The following SEC14L5 variants were observed in gnomAD, a reference collection of about 807,000 sequenced individuals.
The protein encoded by SEC14L5 is SEC14 like lipid binding 5, also known as SEC14-like protein 5.
Under a neutral mutation model 84.6 loss-of-function variants are expected in SEC14L5, and 96 were observed. The observed-to-expected ratio is 1.13, with a 90% CI of 0.96 to 1.34. The LOEUF (loss-of-function observed/expected upper bound fraction) is 1.34, where lower values mean the gene tolerates loss of function less well. Among genes scored for constraint, SEC14L5 ranks in the 40% most tolerant of loss-of-function variants. The pLI, the probability that SEC14L5 is intolerant of heterozygous loss-of-function variation, is 0.00. For synonymous variants in SEC14L5, 546 were observed against 383.4 expected, an observed-to-expected ratio of 1.42 and a Z score of -4.95; for missense variants, 1,224 against 942.5, an observed-to-expected ratio of 1.30 and a Z score of -3.91.
intron 15 of SEC14L5, among the ~76,000 whole-genome samples, chr16:5,012,945 GAAA>G (rs1437203189): frequency 7.2e-6 from 1 of 139,700 alleles, no homozygotes; most frequent in African/African-American, 2.6e-5. Context: ...AATTTATAAA[GAAA>G]GGAGGTTTAA....
At chr16:4,993,134 CT>C (rs1197966481) in intron 6 of SEC14L5, among the ~76,000 whole-genome samples, 1 of 152,070 alleles carries the variant, frequency 6.6e-6, no homozygotes, top group Non-Finnish European at 1.5e-5. Flanking sequence ...CCTTGAAATC[CT>C]GGGCTCAAAC....
chr16:4,974,624 A>G (rs1161724558), intron 2 of SEC14L5, among the ~76,000 whole-genome samples: 1 of 151,848 alleles, frequency 6.6e-6, no homozygotes, highest in African/African-American at 2.4e-5. Flanking sequence ...TAACATGGAT[A>G]AGGTCTTTAG....
In SEC14L5 at chr16:5,015,011, T is replaced by A. The variant is rs1318749330; in HGVS notation, c.*41T>A. ...CAGGGCCGCCCGCTCGCCTCCAGTG[T>A]CCAGAAATGTCCAGAATGAGAAGCC... is the stretch of plus-strand genomic sequence containing the variant. On this transcript the variant is annotated 3_prime_UTR_variant, in exon 16 of 16. Coordinates refer to ENST00000251170, the MANE Select transcript of SEC14L5 (RefSeq NM_014692.2). 1 of 1,441,488 alleles carries A rather than the reference T, an allele frequency of 6.9e-7. No homozygotes were observed. The highest frequency in any genetic ancestry group is 2.3e-5 in the East Asian group (1 of 44,218). The allele number at this position is 1,441,488 out of a possible 1,614,324, so 89.3% of individuals were successfully genotyped here. A position where few individuals can be genotyped will look rare whatever the true frequency, so the allele number is the denominator to read the frequency against.
At chr16:4,965,713 C>G (rs950440959) in intron 2 of SEC14L5, among the ~76,000 whole-genome samples, 1 of 141,134 alleles carries the variant, frequency 7.1e-6, no homozygotes, top group East Asian at 2.1e-4. Flanking sequence ...TGAATGGTAC[C>G]GGTTATTCAA....
At chr16:4,972,322 T>G (rs1364654220) in intron 2 of SEC14L5, among the ~76,000 whole-genome samples, 2 of 152,174 alleles carry the variant, frequency 1.3e-5, no homozygotes, top group African/African-American at 4.8e-5. Context: ...AGTTTTTTAT[T>G]GTGATGAAAT....
chr16:4,987,508 G>GGA, intron 2 of SEC14L5, 49 bp from the exon 3 acceptor site: 1 of 1,445,170 alleles, frequency 6.9e-7, no homozygotes, highest in Non-Finnish European at 9.2e-7. Context: ...GGGGGGGGGG[G>GGA]TCCCTCTGCC....
chr16:5,007,420 G>A lies in SEC14L5; in HGVS notation c.1506G>A (p.Thr502=), dbSNP rs139013540. The change falls in exon 13 of 16, where the codon ACG becomes ACA. Residue 502 remains threonine (T), a synonymous_variant. Coordinates refer to ENST00000251170, the MANE Select transcript of SEC14L5 (RefSeq NM_014692.2). ...LYMTEEEQEH[T]DQLWQWSETY... The stretch of plus-strand genomic sequence containing the variant: ...TGACAGAAGAGGAGCAGGAGCACAC[G>A]GACCAGCTGTGGCAGTGGAGTGAGA... The A allele has an allele frequency of 2.5e-5, 40 of 1,613,718 alleles. No homozygotes were observed. The highest frequency in any genetic ancestry group is 9.9e-5 in the South Asian group (9 of 91,062).
At chr16:5,003,621 T>C in intron 11 of SEC14L5, 48 bp downstream of exon 11, 1 of 133,464 alleles carries the variant, frequency 7.5e-6, no homozygotes, top group Non-Finnish European at 1.5e-5. Flanking sequence ...GTGGGTGGGA[T>C]GGGAGGGGTT....
chr16:4,968,464 C>G (rs1227768146), intron 2 of SEC14L5, among the ~76,000 whole-genome samples: 2 of 152,204 alleles, frequency 1.3e-5, no homozygotes, highest in Admixed American at 6.5e-5. Context: ...CAGGCGTGGG[C>G]CACGGCGCCC....
chr16:5,007,545 G>C, intron 13 of SEC14L5, 59 bp downstream of exon 13: 1 of 1,488,056 alleles, frequency 6.7e-7, no homozygotes, highest in Non-Finnish European at 9.3e-7. Flanking sequence ...TCTTAGGTCA[G>C]GTGACCCCAA....
intron 15 of SEC14L5, among the ~76,000 whole-genome samples, chr16:5,011,743 C>A (rs752022001): frequency 2.0e-5 from 3 of 152,190 alleles, no homozygotes; most frequent in African/African-American, 4.8e-5. Flanking sequence ...AATCACTTTT[C>A]CTCTTTGAGC....
chr16:4,991,225 T>G (rs1955550680), intron 5 of SEC14L5, among the ~76,000 whole-genome samples: 1 of 144,832 alleles, frequency 6.9e-6, no homozygotes, highest in Admixed American at 7.1e-5. Flanking sequence ...AGACCTCAGA[T>G]CCATCCCTGA....
intron 2 of SEC14L5, among the ~76,000 whole-genome samples, chr16:4,961,949 C>T (rs568724748): frequency 1.0e-3 from 156 of 151,958 alleles, no homozygotes; most frequent in African/African-American, 3.5e-3. Context: ...CACTTATTGT[C>T]ACTTGGTAGG....
At chr16:4,961,035 G>A (rs1016495730) in intron 2 of SEC14L5, among the ~76,000 whole-genome samples, 5 of 152,164 alleles carry the variant, frequency 3.3e-5, no homozygotes, top group African/African-American at 1.2e-4. Context: ...GCTTTGGGAG[G>A]CCGAGGTGGG....
intron 14 of SEC14L5, among the ~76,000 whole-genome samples, chr16:5,010,413 C>G (rs1478630147): frequency 6.6e-6 from 1 of 151,980 alleles, no homozygotes; most frequent in Non-Finnish European, 1.5e-5. Flanking sequence ...GAACGTGTAA[C>G]TGGAATATGA....
chr16:4,993,551 G>C (rs941374682), intron 6 of SEC14L5, among the ~76,000 whole-genome samples: 1 of 152,142 alleles, frequency 6.6e-6, no homozygotes, highest in Non-Finnish European at 1.5e-5. Context: ...TGATTATTTT[G>C]AATTAGTCTA....
chr16:5,008,528 G>A lies in SEC14L5; in HGVS notation c.1680G>A (p.Leu560=). Reference sequence around the variant, plus strand: ...ACCACACCAAGCAGGCGCCCAGGCTGGGCGCCCGGGAACCGGGGACCAGGG... The same window carrying A: ...ACCACACCAAGCAGGCGCCCAGGCTAGGCGCCCGGGAACCGGGGACCAGGG... ...SLYHTKQAPR[L]GAREPGTRAS... is the part of the protein sequence containing the mutation. Residue 560 remains leucine, a synonymous_variant, in exon 14 of 16, where the codon CTG becomes CTA. Transcript: ENST00000251170. 6.2e-7 allele frequency: 1 copy of A among 1,609,442 alleles called. No homozygotes were observed. The highest frequency in any genetic ancestry group is 8.5e-7 in the Non-Finnish European group (1 of 1,178,354).
At chr16:5,008,961 C>T (rs545021069) in intron 14 of SEC14L5, among the ~76,000 whole-genome samples, 1 of 152,206 alleles carries the variant, frequency 6.6e-6, no homozygotes, top group Non-Finnish European at 1.5e-5. Context: ...CAGGATCCAA[C>T]TGTATTTGTT....
chr16:5,007,907 CTT>C (rs1191230078), intron 13 of SEC14L5, among the ~76,000 whole-genome samples: 14 of 110,086 alleles, frequency 1.3e-4, no homozygotes, highest in East Asian at 2.7e-4. Context: ...CGCCTGGCCT[CTT>C]TTTTTTTTTT....
Sources: allele counts gnomAD v4.1 joint callset (sites outside exome capture counted in the v4.1 genomes callset), GRCh38; gene constraint gnomAD v4.1.1; transcripts MANE v1.5; gene names NCBI Gene and HGNC (gene_info 2026-07-23, HGNC 2026-07-21).